Variants in SMAD3 observed in about 807,000 individuals in gnomAD.
SMAD3 encodes MAD homolog 3.
Under a neutral mutation model 51.8 loss-of-function variants are expected in SMAD3, and 12 were observed. The ratio of observed to expected loss-of-function variants is 0.23; its 90% CI spans 0.15 to 0.38. The LOEUF (loss-of-function observed/expected upper bound fraction) is 0.38, where lower values mean the gene tolerates loss of function less well. SMAD3 is among the 10% of genes least tolerant of loss of function. SMAD3 has a pLI of 1.00. For synonymous variants in SMAD3, 238 were observed against 227.7 expected, an observed-to-expected ratio of 1.05 and a Z score of -0.41; for missense variants, 294 against 565.6, an observed-to-expected ratio of 0.52 and a Z score of 4.87.
chr15:67,132,190 CATAG>C (rs1961542408), intron 1 of SMAD3, among the ~76,000 whole-genome samples: 1 of 152,204 alleles, frequency 6.6e-6, no homozygotes, highest in Non-Finnish European at 1.5e-5. Context: ...CGATCAGCCA[CATAG>C]ATTCTGTGTT....
chr15:67,146,297 T>G (rs1337998373), intron 1 of SMAD3, among the ~76,000 whole-genome samples: 1 of 152,246 alleles, frequency 6.6e-6, no homozygotes, highest in Non-Finnish European at 1.5e-5. Flanking sequence ...GCCTTGCACA[T>G]AGTAGGCCTG....
intron 1 of SMAD3, among the ~76,000 whole-genome samples, chr15:67,140,631 T>C (rs1961792765): frequency 1.3e-5 from 2 of 152,192 alleles, no homozygotes. Flanking sequence ...AAGGGAACGC[T>C]ATTAATAATG....
intron 1 of SMAD3, among the ~76,000 whole-genome samples, chr15:67,086,874 A>C (rs2140210202): frequency 6.7e-6 from 1 of 150,076 alleles, no homozygotes; most frequent in East Asian, 2.0e-4. Flanking sequence ...GGGTCCCACT[A>C]TCACATTGCA....
chr15:67,169,603 C>G (rs1374120164), intron 4 of SMAD3, among the ~76,000 whole-genome samples: 1 of 151,668 alleles, frequency 6.6e-6, no homozygotes, highest in Non-Finnish European at 1.5e-5. Context: ...CCAGCCTCAG[C>G]CTTCACCACT....
chr15:67,133,242 C>T (rs557186646), intron 1 of SMAD3, among the ~76,000 whole-genome samples: 16 of 152,248 alleles, frequency 1.1e-4, no homozygotes, highest in Non-Finnish European at 1.0e-4. Context: ...CTGGTGAACA[C>T]GGGAAAAGCC....
intron 1 of SMAD3, among the ~76,000 whole-genome samples, chr15:67,100,526 A>G (rs1960729288): frequency 1.3e-5 from 2 of 152,178 alleles, no homozygotes; most frequent in Admixed American, 1.3e-4. Context: ...TGCTGCATGT[A>G]TTAATATATT....
At chr15:67,115,534 A>AG (rs1295272676) in intron 1 of SMAD3, among the ~76,000 whole-genome samples, 1 of 151,968 alleles carries the variant, frequency 6.6e-6, no homozygotes, top group East Asian at 1.9e-4. Flanking sequence ...GAATCCAACA[A>AG]GAAAAAGGCA....
chr15:67,083,670 G>A (rs1208284015), intron 1 of SMAD3, among the ~76,000 whole-genome samples: 1 of 152,156 alleles, frequency 6.6e-6, no homozygotes, highest in Non-Finnish European at 1.5e-5. Context: ...TTCCAGATCT[G>A]CAGTTCTCCA....
At chr15:67,122,218 CAT>C (rs945052156) in intron 1 of SMAD3, among the ~76,000 whole-genome samples, 72 of 152,314 alleles carry the variant, frequency 4.7e-4, no homozygotes, top group African/African-American at 1.5e-3. Context: ...TCATTTTACA[CAT>C]GAGGAAACTG....
At chr15:67,109,199 T>G (rs1323124941) in intron 1 of SMAD3, among the ~76,000 whole-genome samples, 1 of 152,252 alleles carries the variant, frequency 6.6e-6, no homozygotes, top group Non-Finnish European at 1.5e-5. Flanking sequence ...CTTGTTAACT[T>G]GTAAGACATA....
intron 1 of SMAD3, among the ~76,000 whole-genome samples, chr15:67,075,988 T>C (rs905221222): frequency 2.6e-5 from 4 of 152,184 alleles, no homozygotes; most frequent in South Asian, 4.2e-4. Flanking sequence ...TAATACATAG[T>C]AGATGCTTAG....
intron 1 of SMAD3, among the ~76,000 whole-genome samples, chr15:67,162,070 C>T (rs1250331387): frequency 6.6e-6 from 1 of 152,206 alleles, no homozygotes; most frequent in Admixed American, 6.5e-5. Flanking sequence ...TAGTCAGCAG[C>T]TCCAGGTCAG....
Position 67,195,127 on chromosome 15 carries a change from C to T in SMAD3, c.*4591C>T. The stretch of plus-strand genomic sequence containing the variant: ...AGATTTGTGTCCTCTCATTCCCTCT[C>T]TTCCTCTTGTAAGTGCCCTTCTAAT... On this transcript the variant is annotated 3_prime_UTR_variant, in exon 9 of 9. Coordinates refer to ENST00000327367, the MANE Select transcript of SMAD3 (RefSeq NM_005902.4). 1 of 233,384 alleles carries T rather than the reference C, an allele frequency of 4.3e-6. No homozygotes were observed. Among genetic ancestry groups the T allele is most frequent in the East Asian group, 6.0e-5 (1 of 16,672 alleles). The allele number at this position is 233,384 out of a possible 1,614,324, so 14.5% of individuals were successfully genotyped here. A position where few individuals can be genotyped will look rare whatever the true frequency, so the allele number is the denominator to read the frequency against.
At chr15:67,184,103 T>A (rs1227457084) in intron 6 of SMAD3, among the ~76,000 whole-genome samples, 1 of 143,950 alleles carries the variant, frequency 6.9e-6, no homozygotes, top group Admixed American at 6.9e-5. Context: ...ATCATTCCCT[T>A]TTTTTTTTTT....
At position 67,066,127 on chromosome 15, in the gene SMAD3, C is replaced by T. The variant is rs144374592; in HGVS notation, c.-28C>T. 2.9e-3 allele frequency: 4,566 copies of T among 1,550,850 alleles called. 104 individuals are homozygous for T. In the African/African-American group the frequency reaches 0.054, roughly 18 times the overall value. Reference sequence around the variant, plus strand: ...CGAGCCCAGCCCCGCCGGGGGCGCTCCTCGCCGCCCGCGCGCCCTCCCCAG... The same window carrying T: ...CGAGCCCAGCCCCGCCGGGGGCGCTTCTCGCCGCCCGCGCGCCCTCCCCAG... On this transcript the variant is annotated 5_prime_UTR_variant, in exon 1 of 9. Coordinates refer to ENST00000327367, the MANE Select transcript of SMAD3 (RefSeq NM_005902.4).
At chr15:67,144,780 A>C (rs938054329) in intron 1 of SMAD3, among the ~76,000 whole-genome samples, 7 of 152,182 alleles carry the variant, frequency 4.6e-5, no homozygotes, top group Non-Finnish European at 7.3e-5. Context: ...GGCCTGATGC[A>C]CGTTTCCAGT....
chr15:67,139,944 C>T (rs1387832307), intron 1 of SMAD3, among the ~76,000 whole-genome samples: 5 of 116,844 alleles, frequency 4.3e-5, no homozygotes, highest in Non-Finnish European at 7.0e-5. Context: ...CATGACGAAA[C>T]CCCGTCTCTA....
chr15:67,128,519 C>T (rs1961445301), intron 1 of SMAD3, among the ~76,000 whole-genome samples: 1 of 151,986 alleles, frequency 6.6e-6, no homozygotes, highest in African/African-American at 2.4e-5. Flanking sequence ...ATTTCGAAAA[C>T]CTTAAGATTT....
chr15:67,190,343 T>C, intron 8 of SMAD3, 70 bp from the exon 9 acceptor site: 3 of 1,448,684 alleles, frequency 2.1e-6, no homozygotes, highest in East Asian at 2.3e-5. Context: ...CAGAAAAAGC[T>C]TTCTGACTTG....
Sources: allele counts gnomAD v4.1 joint callset (sites outside exome capture counted in the v4.1 genomes callset), GRCh38; gene constraint gnomAD v4.1.1; transcripts MANE v1.5; gene names NCBI Gene and HGNC (gene_info 2026-07-23, HGNC 2026-07-21).